The following ANO4 variants were observed in gnomAD, a reference collection of about 807,000 sequenced individuals.
The protein encoded by ANO4 is anoctamin-4.
Under a neutral mutation model 141.9 loss-of-function variants are expected in ANO4, and 69 were observed. The observed-to-expected ratio is 0.49, with a 90% CI of 0.40 to 0.59. The LOEUF (loss-of-function observed/expected upper bound fraction) is 0.59. Ranked by LOEUF, ANO4 falls within the 20% of genes least tolerant of loss-of-function variation. The pLI is 0.00. For synonymous variants in ANO4, 350 were observed against 394.3 expected (o/e 0.89, Z 1.33); for missense variants, 894 against 1,162.2 (o/e 0.77, Z 3.36).
rs1565891131 is a variant in ANO4 at position 100,806,519 on chromosome 12, G to GTTTC, written c.-141+11493_-141+11496dup. On this transcript the variant is annotated intron_variant, in intron 1 of 27. Coordinates refer to ENST00000392977, the MANE Select transcript of ANO4 (RefSeq NM_001286615.2). ...TTGATTTTTAGGAGGTTTTTTTTTT[G>GTTTC]TTTCGTTTTTTTTTTTTTTTTTTTT... Among the ~76,000 whole-genome samples, 9 of 34,816 alleles carry GTTTC rather than the reference G, an allele frequency of 2.6e-4. No homozygotes were observed. In the East Asian group the frequency reaches 6.3e-3, roughly 24 times the overall value. The allele number at this position is 34,816 out of a possible 152,430, so 22.8% of individuals were successfully genotyped here. A position where few individuals can be genotyped will look rare whatever the true frequency, so the allele number is the denominator to read the frequency against.
intron 14 of ANO4, among the ~76,000 whole-genome samples, chr12:101,059,513 C>T (rs749362357): frequency 1.6e-4 from 25 of 152,162 alleles, no homozygotes; most frequent in Non-Finnish European, 2.4e-4. Context: ...GGTTGGTAGG[C>T]TATTAATTAC....
chr12:100,977,540 A>G lies in ANO4; in HGVS notation c.602+2651A>G, dbSNP rs562545652. 2.0e-5 allele frequency among the ~76,000 whole-genome samples: 3 copies of G among 152,200 alleles called. No individual in the cohort carries two copies. In the South Asian group the frequency reaches 6.2e-4, roughly 32 times the overall value. Reference sequence around the variant, plus strand: ...ATCTCTAAAAATGTAAATAAAAAAAACCTAAGGGTCATTTTGGATGTTTTG... The same window carrying G: ...ATCTCTAAAAATGTAAATAAAAAAAGCCTAAGGGTCATTTTGGATGTTTTG... On this transcript the variant is annotated intron_variant, in intron 7 of 27. Transcript: ENST00000392977.
intron 8 of ANO4, among the ~76,000 whole-genome samples, chr12:101,008,919 T>A (rs2045972687): frequency 6.6e-6 from 1 of 152,204 alleles, no homozygotes. Context: ...TCTCTTTGTC[T>A]TTCACTTTTG....
At chr12:100,958,329 C>G (rs1360075903) in intron 5 of ANO4, among the ~76,000 whole-genome samples, 1 of 152,182 alleles carries the variant, frequency 6.6e-6, no homozygotes, top group Non-Finnish European at 1.5e-5. Context: ...CTTCCTCCCT[C>G]TTTTCCCATT....
intron 1 of ANO4, among the ~76,000 whole-genome samples, chr12:100,841,685 A>C (rs977298981): frequency 6.6e-6 from 1 of 152,170 alleles, no homozygotes; most frequent in African/African-American, 2.4e-5. Context: ...CCTGAGGACA[A>C]ATTTGGACTG....
At chr12:100,770,976 C>G (rs1346225597) in intron 3 of ANO4, among the ~76,000 whole-genome samples, 2 of 151,904 alleles carry the variant, frequency 1.3e-5, no homozygotes, top group Non-Finnish European at 2.9e-5. Flanking sequence ...ATTGAGAATC[C>G]GAATTTAACC....
At chr12:100,726,595 G>C (rs762482792) in intron 1 of ANO4, among the ~76,000 whole-genome samples, 9 of 152,114 alleles carry the variant, frequency 5.9e-5, no homozygotes, top group Non-Finnish European at 1.0e-4. Context: ...TAGTAGCTTC[G>C]GGGGAGCCTG....
chr12:100,816,893 A>G (rs2035768177), intron 1 of ANO4, among the ~76,000 whole-genome samples: 1 of 151,898 alleles, frequency 6.6e-6, no homozygotes, highest in African/African-American at 2.4e-5. Context: ...TCTTTGGTAT[A>G]TGTCCAGAGT....
chr12:100,790,645 G>GAA (rs35254622), upstream of ANO4, among the ~76,000 whole-genome samples: 90 of 144,300 alleles, frequency 6.2e-4, no homozygotes, highest in African/African-American at 1.4e-3. Flanking sequence ...TCTATCTTCA[G>GAA]AAAAAAAAAA....
chr12:101,093,444 A>G (rs550606610), intron 17 of ANO4, among the ~76,000 whole-genome samples: 2 of 152,118 alleles, frequency 1.3e-5, no homozygotes, highest in Admixed American at 6.6e-5. Context: ...TGTTTTTACT[A>G]CTTTCATCTA....
chr12:101,104,667 AT>A (rs1566255074), intron 22 of ANO4, among the ~76,000 whole-genome samples: 63 of 61,452 alleles, frequency 1.0e-3, no homozygotes, highest in African/African-American at 1.9e-3. Context: ...ATATATATAT[AT>A]ATAAATAAAA....
rs114598411 is a variant in ANO4, at chr12:100,893,792, G to A, written c.-140-7854G>A. ...TGCCACTGTGGTTTCCTGAAATGAA[G>A]TCCTGATAGAATTTGGTCGCAGGGG... is the stretch of plus-strand genomic sequence containing the variant. On this transcript the variant is annotated intron_variant, in intron 1 of 27. Coordinates refer to ENST00000392977, the MANE Select transcript of ANO4 (RefSeq NM_001286615.2). Among the ~76,000 whole-genome samples the A allele has an allele frequency of 8.4e-3, 1,278 of 152,204 alleles. 24 individuals are homozygous for A. Among genetic ancestry groups the A allele is most frequent in the African/African-American group, 0.029 (1,210 of 41,490 alleles).
At chr12:100,754,933 G>A (rs2032545046) in intron 3 of ANO4, among the ~76,000 whole-genome samples, 2 of 152,154 alleles carry the variant, frequency 1.3e-5, no homozygotes, top group African/African-American at 4.8e-5. Context: ...ACTGCTTAAT[G>A]TGTACAGGGT....
chr12:101,070,928 C>T (rs544697350), intron 14 of ANO4, among the ~76,000 whole-genome samples: 2 of 152,256 alleles, frequency 1.3e-5, no homozygotes, highest in Admixed American at 1.3e-4. Flanking sequence ...GTGCTAATAT[C>T]ATTGCTCATC....
At chr12:100,822,660 G>A (rs1032140182) in intron 1 of ANO4, among the ~76,000 whole-genome samples, 2 of 151,990 alleles carry the variant, frequency 1.3e-5, no homozygotes, top group African/African-American at 4.8e-5. Context: ...ACCACTGGGA[G>A]GAGAACAAAA....
intron 1 of ANO4, among the ~76,000 whole-genome samples, chr12:100,853,245 C>A (rs892968454): frequency 6.6e-6 from 1 of 152,072 alleles, no homozygotes; most frequent in African/African-American, 2.4e-5. Context: ...AAGTAGCTTG[C>A]CTTTTCAAAG....
chr12:100,783,297 A>T (rs2033764761), intron 3 of ANO4, among the ~76,000 whole-genome samples: 1 of 152,014 alleles, frequency 6.6e-6, no homozygotes, highest in Non-Finnish European at 1.5e-5. Context: ...TCCTATTCCT[A>T]CCCACCCCAT....
At chr12:100,913,402 G>A (rs190358673) in intron 2 of ANO4, among the ~76,000 whole-genome samples, 1 of 152,258 alleles carries the variant, frequency 6.6e-6, no homozygotes, top group African/African-American at 2.4e-5. Flanking sequence ...GTACAGCAAT[G>A]TGCCCCTTAT....
intron 3 of ANO4, among the ~76,000 whole-genome samples, chr12:100,774,023 T>C (rs1274905048): frequency 1.3e-5 from 2 of 152,222 alleles, no homozygotes; most frequent in Non-Finnish European, 2.9e-5. Flanking sequence ...CAGAGTTGAG[T>C]AGTTGCATCA....
Sources: allele counts gnomAD v4.1 joint callset (sites outside exome capture counted in the v4.1 genomes callset), GRCh38; gene constraint gnomAD v4.1.1; transcripts MANE v1.5; gene names NCBI Gene and HGNC (gene_info 2026-07-23, HGNC 2026-07-21).